Variants in JMJD1C observed in about 807,000 individuals in gnomAD.
The protein encoded by JMJD1C is jumonji domain-containing protein 1C.
JMJD1C carries 31 observed loss-of-function variants against 245.3 expected under a neutral mutation model. The observed-to-expected ratio is 0.13, with a 90% CI of 0.09 to 0.17. The LOEUF (loss-of-function observed/expected upper bound fraction) is 0.17, where lower values mean the gene tolerates loss of function less well. JMJD1C is among the 10% of genes least tolerant of loss of function. The pLI, the probability that JMJD1C is intolerant of heterozygous loss-of-function variation, is 1.00. For synonymous variants in JMJD1C, 1,057 were observed against 1,017.4 expected (o/e 1.04, Z -0.74); for missense variants, 2,691 against 3,000.2 (o/e 0.90, Z 2.41).
At position 63,465,600 on chromosome 10, in the gene JMJD1C, G is replaced by C; in HGVS notation, c.63C>G (p.Asp21Glu). 6.2e-7 allele frequency: 1 copy of C among 1,609,608 alleles called. No homozygotes were observed. Among genetic ancestry groups the C allele is most frequent in the Non-Finnish European group, 8.5e-7 (1 of 1,179,856 alleles). ...TCTCCCAGCGCTCCGAACGTGCCTCGTCGCCGACCGCCACACACAGGAACC... is the reference window on the plus strand; with the variant it reads ...TCTCCCAGCGCTCCGAACGTGCCTCCTCGCCGACCGCCACACACAGGAACC... ...GKRFLCVAVG[D>E]EARSERWESG... The change falls in exon 1 of 26, where the codon GAC becomes GAG. Residue 21 changes from aspartate (D) to glutamate (E), a missense_variant. Asp to Glu is a conservative substitution (Grantham distance 45, BLOSUM62 2). This residue lies in a region of JMJD1C where 135 missense variants were observed against 115.5 expected (regional missense o/e 1.17). Coordinates refer to ENST00000399262, the MANE Select transcript of JMJD1C (RefSeq NM_032776.3).
rs1376107248 is a variant in JMJD1C, at chr10:63,242,619, G to GA, written c.447+22031dup. Among the ~76,000 whole-genome samples the GA allele has an allele frequency of 2.0e-5, 3 of 152,312 alleles. No individual in the cohort carries two copies. In the East Asian group the frequency reaches 5.8e-4, roughly 29 times the overall value. ...CACATGCCTGCAGTCCCAGCAACTTGAAAGGCTGAGGCAGGAGAATCACTT... is the reference window on the plus strand; with the variant it reads ...CACATGCCTGCAGTCCCAGCAACTTGAAAAGGCTGAGGCAGGAGAATCACTT... On this transcript the variant is annotated intron_variant, in intron 3 of 25. Coordinates refer to ENST00000399262, the MANE Select transcript of JMJD1C (RefSeq NM_032776.3).
intron 10 of JMJD1C, chr10:63,202,207 T>G: frequency 1.4e-6 from 1 of 708,816 alleles, no homozygotes; most frequent in East Asian, 1.3e-4. Flanking sequence ...TGGGGTGAGA[T>G]CGTGCCACTG....
At chr10:63,387,253 G>C (rs1057307996) in intron 1 of JMJD1C, among the ~76,000 whole-genome samples, 16 of 152,002 alleles carry the variant, frequency 1.1e-4, no homozygotes, top group Non-Finnish European at 2.1e-4. Context: ...AGAAATAAAA[G>C]AAACAAGAAG....
intron 1 of JMJD1C, chr10:63,521,313 TGTCCGGACTAGGCTGCCG>T (rs1955222449): frequency 0.024 from 6 of 250 alleles, no homozygotes; most frequent in African/African-American, 0.14. Flanking sequence ...GGCGGGGTGC[TGTCCGGACTAGGCTGCCG>T]GGCCGGCGGG....
At chr10:63,426,581 G>C (rs1378092156) in intron 1 of JMJD1C, among the ~76,000 whole-genome samples, 1 of 151,988 alleles carries the variant, frequency 6.6e-6, no homozygotes, top group African/African-American at 2.4e-5. Flanking sequence ...TGAGGCAGGA[G>C]AATCACCTGA....
chr10:63,456,174 G>A (rs1952399435), intron 1 of JMJD1C, among the ~76,000 whole-genome samples: 1 of 151,956 alleles, frequency 6.6e-6, no homozygotes. Context: ...ATTCACTTTG[G>A]TATTAAAATA....
intron 2 of JMJD1C, among the ~76,000 whole-genome samples, chr10:63,374,764 A>G (rs1353469343): frequency 6.6e-6 from 1 of 152,176 alleles, no homozygotes. Context: ...CTAAATTACT[A>G]CTCATGAAGA....
intron 1 of JMJD1C, among the ~76,000 whole-genome samples, chr10:63,485,202 G>A (rs1953956715): frequency 6.6e-6 from 1 of 152,060 alleles, no homozygotes; most frequent in South Asian, 2.1e-4. Context: ...AATGCTAAGT[G>A]TTCATTGCTT....
At chr10:63,238,747 C>T (rs1463051818) in intron 3 of JMJD1C, among the ~76,000 whole-genome samples, 1 of 152,156 alleles carries the variant, frequency 6.6e-6, no homozygotes, top group Non-Finnish European at 1.5e-5. Flanking sequence ...GATTTGACAG[C>T]TTGTTGGAAT....
intron 2 of JMJD1C, among the ~76,000 whole-genome samples, chr10:63,363,252 C>CTTTTTTTTTTTT (rs71463517): frequency 2.0e-5 from 2 of 99,868 alleles, no homozygotes. Flanking sequence ...TCATACAATT[C>CTTTTTTTTTTTT]TTTTTTTTTT....
intron 1 of JMJD1C, 183 bp downstream of exon 1, chr10:63,465,312 G>A (rs927124303): frequency 1.4e-5 from 9 of 655,616 alleles, no homozygotes; most frequent in East Asian, 2.8e-5. Context: ...CACAGGGGAA[G>A]CCGCTCGGAG....
chr10:63,410,149 G>C (rs1564890542), intron 1 of JMJD1C, among the ~76,000 whole-genome samples: 1 of 152,060 alleles, frequency 6.6e-6, no homozygotes, highest in Non-Finnish European at 1.5e-5. Flanking sequence ...GCAGACCCTA[G>C]GTATTCCTAC....
chr10:63,370,908 T>C (rs1946261120), intron 2 of JMJD1C, among the ~76,000 whole-genome samples: 1 of 152,204 alleles, frequency 6.6e-6, no homozygotes, highest in Non-Finnish European at 1.5e-5. Flanking sequence ...AGTTGTTTTT[T>C]AGGGAAAAGA....
intron 1 of JMJD1C, among the ~76,000 whole-genome samples, chr10:63,496,083 T>G (rs1589828850): frequency 7.1e-6 from 1 of 140,700 alleles, no homozygotes; most frequent in African/African-American, 2.6e-5. Context: ...CTAAATATGA[T>G]CAAGCCTCTA....
chr10:63,428,084 C>T (rs1039674563), intron 1 of JMJD1C: 1 of 476,996 alleles, frequency 2.1e-6, no homozygotes, highest in African/African-American at 1.9e-5. Context: ...TATATTAAGA[C>T]AGCTGATCAA....
intron 3 of JMJD1C, among the ~76,000 whole-genome samples, chr10:63,258,225 G>A (rs1854226673): frequency 2.0e-5 from 3 of 152,158 alleles, no homozygotes; most frequent in Admixed American, 1.3e-4. Context: ...CAGAGCAGCT[G>A]AGACTTTCCC....
At chr10:63,251,882 T>A (rs1853137389) in intron 3 of JMJD1C, among the ~76,000 whole-genome samples, 1 of 152,032 alleles carries the variant, frequency 6.6e-6, no homozygotes, top group South Asian at 2.1e-4. Context: ...CATGGTGGAG[T>A]GTGCCTGTAA....
At chr10:63,313,640 T>C (rs1939538941) in intron 2 of JMJD1C, among the ~76,000 whole-genome samples, 1 of 152,248 alleles carries the variant, frequency 6.6e-6, no homozygotes, top group South Asian at 2.1e-4. Flanking sequence ...CTAATCTGAC[T>C]GGTGTGAGAT....
intron 3 of JMJD1C, among the ~76,000 whole-genome samples, chr10:63,245,133 CAAAAAA>C (rs71025133): frequency 6.1e-5 from 4 of 65,694 alleles, no homozygotes; most frequent in Non-Finnish European, 8.6e-5. Context: ...GACTCTGTCT[CAAAAAA>C]AAAAAAAAAA....
Sources: gnomAD v4.1 joint callset for allele counts (sites outside exome capture counted in the v4.1 genomes callset) on GRCh38, gnomAD v4.1.1 for gene constraint, gnomAD v4.1.1 regional missense constraint, MANE v1.5 for transcripts, NCBI Gene and HGNC (gene_info 2026-07-23, HGNC 2026-07-21) for gene names.